GCN1: variants seen among roughly 807,000 people sequenced by gnomAD.
GCN1 encodes the protein stalled ribosome sensor GCN1.
GCN1 carries 90 observed loss-of-function variants against 288.4 expected under a neutral mutation model. That is an observed-to-expected ratio of 0.31 (90% confidence interval 0.26 to 0.37). The LOEUF (loss-of-function observed/expected upper bound fraction) is 0.37, where lower values mean the gene tolerates loss of function less well. Ranked by LOEUF, GCN1 falls within the 10% of genes least tolerant of loss-of-function variation. GCN1 has a pLI of 1.00. For synonymous variants in GCN1, 1,386 were observed against 1,420.2 expected, an observed-to-expected ratio of 0.98 and a Z score of 0.54; for missense variants, 2,586 against 3,419.9, an observed-to-expected ratio of 0.76 and a Z score of 6.08.
Position 120,178,728 on chromosome 12 carries a change from G to T in GCN1, c.557C>A (p.Ala186Asp). Residue 186 changes from alanine to aspartate, a missense_variant, in exon 7 of 58, where the codon GCC (alanine) becomes GAC (aspartate). Around this residue, in one of 8 missense-constraint regions of GCN1, gnomAD observed 913 missense variants for 1,107.0 expected, o/e 0.82. Transcript: ENST00000300648. The stretch of plus-strand genomic sequence containing the variant: ...CTGGTTGGGCTCTAGGCTGAGAATG[G>T]CTGACAAGTACTGTTCCACCAGCCC... ...NPGLVEQYLS[A>D]ILSLEPNQNY... is the part of the protein sequence containing the mutation. 6.2e-7 allele frequency: 1 copy of T among 1,614,176 alleles called. No individual in the cohort carries two copies. Among genetic ancestry groups the T allele is most frequent in the Non-Finnish European group, 8.5e-7 (1 of 1,179,980 alleles).
rs762667898 is a variant in GCN1, at chr12:120,190,306, G to C, written c.113C>G (p.Ala38Gly). ...GGATGAAAAATAAATACCTTTTCCAGCAACACACTTCCCAAGTTCACTGAG... is the reference window on the plus strand; with the variant it reads ...GGATGAAAAATAAATACCTTTTCCACCAACACACTTCCCAAGTTCACTGAG... The part of the protein sequence containing the change: ...EILSELGKCV[A>G]GKDLPEGAVK... Residue 38 changes from alanine to glycine, a missense_variant, in exon 2 of 58, where the codon GCT (alanine) becomes GGT (glycine). Ala to Gly is a moderately conservative substitution (Grantham distance 60). Transcript: ENST00000300648. The C allele has an allele frequency of 6.6e-7, 1 of 1,526,348 alleles. No individual in the cohort carries two copies. The highest frequency in any genetic ancestry group is 9.1e-7 in the Non-Finnish European group (1 of 1,100,596). The allele number at this position is 1,526,348 out of a possible 1,614,324, so 94.6% of individuals were successfully genotyped here. A position where few individuals can be genotyped will look rare whatever the true frequency, so the allele number is the denominator to read the frequency against.
chr12:120,177,841 A>T (rs752502979), intron 7 of GCN1, 89 bp from the exon 8 acceptor site: 336 of 926,718 alleles, frequency 3.6e-4, no homozygotes, highest in Non-Finnish European at 2.0e-4. Context: ...AGTGCCTCCA[A>T]AAAATACAAA....
chr12:120,159,758 G>A, intron 24 of GCN1, 67 bp downstream of exon 24: 2 of 1,389,072 alleles, frequency 1.4e-6, no homozygotes, highest in Non-Finnish European at 2.0e-6. Flanking sequence ...GCACTCAGGG[G>A]CACACCCTGT....
chr12:120,150,975 C>A (rs892427855), intron 34 of GCN1, among the ~76,000 whole-genome samples, 170 bp downstream of exon 34: 5 of 152,100 alleles, frequency 3.3e-5, no homozygotes, highest in African/African-American at 1.2e-4. Context: ...ATTTGCAAGT[C>A]CAAGGAAAGC....
chr12:120,157,025 G>A, intron 26 of GCN1, 33 bp from the exon 27 acceptor site: 1 of 1,477,706 alleles, frequency 6.8e-7, no homozygotes, highest in Non-Finnish European at 9.5e-7. Context: ...TCGAGATGAG[G>A]CTGTGGGGAG....
chr12:120,137,518 T>G lies in GCN1; in HGVS notation c.6663+27A>C. 6.2e-7 allele frequency: 1 copy of G among 1,605,720 alleles called. No homozygotes were observed. The highest frequency in any genetic ancestry group is 8.5e-7 in the Non-Finnish European group (1 of 1,173,814). Reference sequence around the variant, plus strand: ...TCTGGAATTTTCTAAAAGCAAAAGTTGGCTGTGGGGTCAGCAGTCCCCTCA... The same window carrying G: ...TCTGGAATTTTCTAAAAGCAAAAGTGGGCTGTGGGGTCAGCAGTCCCCTCA... On this transcript the variant is annotated intron_variant, in intron 49 of 57. Coordinates refer to ENST00000300648, the MANE Select transcript of GCN1 (RefSeq NM_006836.2). This position sits in a 1 kb window ranked among gnomAD's most constrained non-coding sequence, Gnocchi z 5.2.
Position 120,142,457 on chromosome 12 carries a change from G to T in GCN1, c.5829+50C>A. 2 of 1,398,284 alleles carry T rather than the reference G, an allele frequency of 1.4e-6. No homozygotes were observed. The highest frequency in any genetic ancestry group is 2.0e-6 in the Non-Finnish European group (2 of 985,102). 86.6% of individuals were successfully genotyped at this position (1,398,284 alleles called of 1,614,324 possible). A position where few individuals can be genotyped will look rare whatever the true frequency, so the allele number is the denominator to read the frequency against. ...CTGCAGACCCAGCCTTCTAGGCTCT[G>T]AAAGGAGGCACTGGGGCTGCTGGTC... On this transcript the variant is annotated intron_variant, in intron 44 of 57. Coordinates refer to ENST00000300648, the MANE Select transcript of GCN1 (RefSeq NM_006836.2). This position sits in a 1 kb window ranked among gnomAD's most constrained non-coding sequence, Gnocchi z 4.9.
At chr12:120,180,219 T>G (rs4522230) in intron 5 of GCN1, among the ~76,000 whole-genome samples, 1 of 151,436 alleles carries the variant, frequency 6.6e-6, no homozygotes, top group African/African-American at 2.4e-5. Context: ...GCAGGAGAAT[T>G]GCTTGAACGC....
chr12:120,185,938 C>T (rs1022154090), intron 2 of GCN1, among the ~76,000 whole-genome samples: 1 of 152,118 alleles, frequency 6.6e-6, no homozygotes, highest in Admixed American at 6.5e-5. Context: ...TAATGGGAAA[C>T]CAAGCCAGCC....
Position 120,164,643 on chromosome 12 carries a change from T to A in GCN1, c.1688+3A>T. 6.2e-7 allele frequency: 1 copy of A among 1,612,550 alleles called. No homozygotes were observed. Among genetic ancestry groups the A allele is most frequent in the Non-Finnish European group, 8.5e-7 (1 of 1,178,512 alleles). ...AAAGAAAAGGTAAGCCAGCCTCACG[T>A]ACTGAACTTTGTTGCCAGTGAGTCT... On this transcript the variant is annotated splice_donor_region_variant and intron_variant, in intron 17 of 57. Coordinates refer to ENST00000300648, the MANE Select transcript of GCN1 (RefSeq NM_006836.2).
rs561570908 is a variant in GCN1, at chr12:120,176,859, C to T, written c.838+588G>A. Among the ~76,000 whole-genome samples the T allele has an allele frequency of 1.2e-4, 19 of 152,208 alleles. No individual in the cohort carries two copies. In the South Asian group the frequency reaches 1.9e-3, roughly 15 times the overall value. ...TTGCCTCACTGCAACCTCCACCTCC[C>T]GGTTTCAAGTGATTTTCCTGCCTCA... On this transcript the variant is annotated intron_variant, in intron 9 of 57. Transcript: ENST00000300648.
rs146657391 is a variant in GCN1 at position 120,153,087 on chromosome 12, C to A, written c.4062+126G>T. On this transcript the variant is annotated intron_variant, in intron 33 of 57. Transcript: ENST00000300648. The surrounding 1 kb of genome is among the most constrained non-coding windows in gnomAD (Gnocchi z 4.4). ...CTCTCCCCTGCGAGAGGGGGTGAAT[C>A]CTTAACAAGAACTGGGCTTTCAGGG... 2.0e-4 allele frequency: 149 copies of A among 731,134 alleles called. 1 individual carries two copies. Among genetic ancestry groups the A allele is most frequent in the East Asian group, 2.0e-3 (75 of 36,980 alleles). The allele number at this position is 731,134 out of a possible 1,614,324, so 45.3% of individuals were successfully genotyped here. A position where few individuals can be genotyped will look rare whatever the true frequency, so the allele number is the denominator to read the frequency against.
In GCN1 at chr12:120,136,656, T is replaced by C; in HGVS notation, c.6854A>G (p.Lys2285Arg). ...CAGGCGGATTACCAAGCCTAAGGCT[T>C]TGGCTGCCTCCTCCTTCTGCTCAGG... is the stretch of plus-strand genomic sequence containing the variant. ...GSPEQKEEAA[K>R]ALGLVIRLTS... is the part of the protein sequence containing the mutation. The change falls in exon 51 of 58, where the codon AAA (lysine) becomes AGA (arginine). Residue 2285 changes from lysine (K) to arginine (R), a missense_variant. Lys to Arg is a conservative substitution (Grantham distance 26). This residue lies in a region of GCN1 where 437 missense variants were observed against 570.5 expected (regional missense o/e 0.77). Coordinates refer to ENST00000300648, the MANE Select transcript of GCN1 (RefSeq NM_006836.2). 1 of 1,614,162 alleles carries C rather than the reference T, an allele frequency of 6.2e-7. No homozygotes were observed. Among genetic ancestry groups the C allele is most frequent in the African/African-American group, 1.3e-5 (1 of 75,064 alleles).
chr12:120,156,278 C>T lies in GCN1; in HGVS notation c.3312+183G>A, dbSNP rs368041059. On this transcript the variant is annotated intron_variant, in intron 28 of 57. Coordinates refer to ENST00000300648, the MANE Select transcript of GCN1 (RefSeq NM_006836.2). The surrounding 1 kb of genome is among the most constrained non-coding windows in gnomAD (Gnocchi z 5.8). ...GTGTTCCAAGGTAAAGGAAAAAATA[C>T]AGTGATACATCATGACTGCTTAGTG... is the stretch of plus-strand genomic sequence containing the variant. Among the ~76,000 whole-genome samples, 14 of 152,228 alleles carry T rather than the reference C, an allele frequency of 9.2e-5. No homozygotes were observed. In the East Asian group the frequency reaches 1.2e-3, roughly 13 times the overall value.
intron 51 of GCN1, among the ~76,000 whole-genome samples, chr12:120,135,696 G>GT (rs1057001290): frequency 6.6e-6 from 1 of 152,080 alleles, no homozygotes; most frequent in African/African-American, 2.4e-5. Flanking sequence ...CAGAGTGACT[G>GT]TTTGGAGGTT....
intron 56 of GCN1, 54 bp downstream of exon 56, chr12:120,130,592 A>T: frequency 8.6e-7 from 1 of 1,168,298 alleles, no homozygotes; most frequent in Non-Finnish European, 1.3e-6. Flanking sequence ...TGATCCTAGG[A>T]CCTCCTCACA....
intron 46 of GCN1, 114 bp from the exon 47 acceptor site, chr12:120,138,529 C>A: frequency 2.0e-6 from 2 of 1,020,560 alleles, no homozygotes; most frequent in Non-Finnish European, 3.1e-6. Context: ...CCCACATTTC[C>A]TCACTGCCGA....
chr12:120,157,129 A>C (rs1345086572), intron 26 of GCN1, 137 bp from the exon 27 acceptor site: 4 of 625,112 alleles, frequency 6.4e-6, no homozygotes, highest in Admixed American at 2.5e-5. Flanking sequence ...AAACCTCATT[A>C]AGTTTACAAC....
intron 23 of GCN1, 33 bp downstream of exon 23, chr12:120,160,109 C>T (rs373459795): frequency 1.6e-5 from 25 of 1,592,906 alleles, no homozygotes; most frequent in Admixed American, 5.0e-5. Flanking sequence ...AGCACTCTTC[C>T]GGCTTGAGCA....
Sources: gnomAD v4.1 joint callset for allele counts (sites outside exome capture counted in the v4.1 genomes callset) on GRCh38, gnomAD v4.1.1 for gene constraint, gnomAD v4.1.1 regional missense constraint, Gnocchi (gnomAD v3.1) non-coding constraint, MANE v1.5 for transcripts, NCBI Gene and HGNC (gene_info 2026-07-23, HGNC 2026-07-21) for gene names.